PCED1B: variants seen among roughly 807,000 people sequenced by gnomAD.
The protein encoded by PCED1B is PC-esterase domain-containing protein 1B.
For missense variants in PCED1B, 573 were observed against 573.9 expected, an observed-to-expected ratio of 1.00 and a Z score of 0.02; for synonymous variants, 251 against 246.1, an observed-to-expected ratio of 1.02 and a Z score of -0.19.
intron 2 of PCED1B, among the ~76,000 whole-genome samples, chr12:47,190,255 T>G (rs949535373): frequency 1.3e-5 from 2 of 152,182 alleles, no homozygotes; most frequent in African/African-American, 4.8e-5. Context: ...ATGGTGCTGG[T>G]TGGTTCATAA....
chr12:47,086,533 A>G (rs1165321463), intron 1 of PCED1B, among the ~76,000 whole-genome samples: 3 of 152,186 alleles, frequency 2.0e-5, no homozygotes, highest in Non-Finnish European at 4.4e-5. Flanking sequence ...TAATTATATA[A>G]TGAGAGAAAC....
rs573704088 is a variant in PCED1B at position 47,204,126 on chromosome 12, G to A, written c.-525-12096G>A. Among the ~76,000 whole-genome samples the A allele has an allele frequency of 2.0e-5, 3 of 152,188 alleles. No individual in the cohort carries two copies. In the South Asian group the frequency reaches 6.2e-4, roughly 32 times the overall value. On this transcript the variant is annotated intron_variant, in intron 2 of 3. Coordinates refer to ENST00000546455, the MANE Select transcript of PCED1B (RefSeq NM_138371.3). ...TGCCTGGCTAATTTTTGTATTTTTA[G>A]TAGAGACAGGGTTTCATTCGCTATG... is the stretch of plus-strand genomic sequence containing the variant.
At chr12:47,087,565 G>T (rs1938048356) in intron 1 of PCED1B, among the ~76,000 whole-genome samples, 1 of 152,146 alleles carries the variant, frequency 6.6e-6, no homozygotes, top group South Asian at 2.1e-4. Context: ...AGTATTATTA[G>T]AAATAATTAT....
intron 3 of PCED1B, among the ~76,000 whole-genome samples, chr12:47,217,497 A>AAAGAAAGAAAGAAAGAAAG (rs1943322213): frequency 7.3e-6 from 1 of 137,106 alleles, no homozygotes. Context: ...AGAAAGAAAG[A>AAAGAAAGAAAGAAAGAAAG]AAGAAAGAAA....
chr12:47,095,142 G>C (rs1013552091), intron 1 of PCED1B, among the ~76,000 whole-genome samples: 3 of 134,518 alleles, frequency 2.2e-5, no homozygotes, highest in African/African-American at 8.4e-5. Flanking sequence ...TTTTCCTTCT[G>C]CCTGAAGAAC....
intron 2 of PCED1B, among the ~76,000 whole-genome samples, chr12:47,203,949 A>C (rs922485455): frequency 6.6e-6 from 1 of 152,186 alleles, no homozygotes; most frequent in African/African-American, 2.4e-5. Context: ...ACAGTGTAAA[A>C]GCATTCTTTT....
Position 47,127,425 on chromosome 12 carries a change from G to A in PCED1B, c.-526+23230G>A, listed in dbSNP as rs540992635. Among the ~76,000 whole-genome samples the A allele has an allele frequency of 2.4e-4, 35 of 146,736 alleles. No homozygotes were observed. The South Asian group carries it at 7.3e-3, about 30-fold the overall frequency. ...GCTTTGTAGCCCAGGCTGGAGTGCAGCAGTACGATCTTGGCTCAGTGCAAC... is the reference window on the plus strand; with the variant it reads ...GCTTTGTAGCCCAGGCTGGAGTGCAACAGTACGATCTTGGCTCAGTGCAAC... On this transcript the variant is annotated intron_variant, in intron 2 of 3. Coordinates refer to ENST00000546455, the MANE Select transcript of PCED1B (RefSeq NM_138371.3).
intron 2 of PCED1B, among the ~76,000 whole-genome samples, chr12:47,147,914 TA>T (rs1398542311): frequency 6.6e-6 from 1 of 152,210 alleles, no homozygotes; most frequent in African/African-American, 2.4e-5. Context: ...TTATTTGTTA[TA>T]ATAACAGCCC....
chr12:47,194,723 G>A lies in PCED1B; in HGVS notation c.-525-21499G>A, dbSNP rs566881837. On this transcript the variant is annotated intron_variant, in intron 2 of 3. Coordinates refer to ENST00000546455, the MANE Select transcript of PCED1B (RefSeq NM_138371.3). ...GCCAACAAGAAAGGTCATACCGGTC[G>A]GAGTTCCATGTGCTATTTAAAGAAC... Among the ~76,000 whole-genome samples, 8 of 152,248 alleles carry A rather than the reference G, an allele frequency of 5.3e-5. 1 individual carries two copies. Among genetic ancestry groups the A allele is most frequent in the African/African-American group, 1.7e-4 (7 of 41,542 alleles).
At chr12:47,102,508 A>C (rs1938753154) in intron 1 of PCED1B, among the ~76,000 whole-genome samples, 2 of 152,216 alleles carry the variant, frequency 1.3e-5, no homozygotes, top group South Asian at 4.1e-4. Flanking sequence ...CATCAGGAAG[A>C]GAGTCTAGAT....
At chr12:47,099,444 G>A (rs367679497) in intron 1 of PCED1B, among the ~76,000 whole-genome samples, 16 of 152,096 alleles carry the variant, frequency 1.1e-4, no homozygotes, top group East Asian at 5.8e-4. Context: ...AGCGGGGATC[G>A]TCTCCACTGT....
intron 2 of PCED1B, among the ~76,000 whole-genome samples, chr12:47,204,958 C>A (rs1003414917): frequency 7.2e-5 from 11 of 152,136 alleles, no homozygotes; most frequent in Admixed American, 3.3e-4. Context: ...AGTGTAACCA[C>A]CTAACAGGTT....
chr12:47,227,950 A>C (rs1178635884), intron 3 of PCED1B, among the ~76,000 whole-genome samples: 1 of 151,804 alleles, frequency 6.6e-6, no homozygotes, highest in East Asian at 1.9e-4. Context: ...ACTGGTTAGG[A>C]TATAGGACCT....
intron 2 of PCED1B, among the ~76,000 whole-genome samples, chr12:47,164,872 A>G (rs1941495228): frequency 6.6e-6 from 1 of 152,202 alleles, no homozygotes; most frequent in Non-Finnish European, 1.5e-5. Flanking sequence ...TGGCTAGTTG[A>G]GTCACAATGA....
intron 2 of PCED1B, among the ~76,000 whole-genome samples, chr12:47,133,996 G>C (rs1940239923): frequency 6.6e-6 from 1 of 152,258 alleles, no homozygotes; most frequent in East Asian, 1.9e-4. Flanking sequence ...CAACAATGCT[G>C]GCGTCTGATT....
intron 2 of PCED1B, among the ~76,000 whole-genome samples, chr12:47,179,594 T>C (rs916593921): frequency 6.6e-6 from 1 of 152,238 alleles, no homozygotes; most frequent in Non-Finnish European, 1.5e-5. Flanking sequence ...AGTTTCATTG[T>C]GACACAACTA....
chr12:47,209,691 A>T (rs574241887), intron 2 of PCED1B: 1 of 152,250 alleles, frequency 6.6e-6, no homozygotes, highest in East Asian at 1.9e-4. Context: ...TCAATTTGGG[A>T]TCTTCAGGCT....
chr12:47,228,565 G>A (rs1252515742), intron 3 of PCED1B, among the ~76,000 whole-genome samples: 1 of 151,930 alleles, frequency 6.6e-6, no homozygotes, highest in Admixed American at 6.6e-5. Context: ...TTATAAAATG[G>A]GAATAAGAGT....
At chr12:47,161,591 A>G (rs879347143) in intron 2 of PCED1B, among the ~76,000 whole-genome samples, 1 of 152,218 alleles carries the variant, frequency 6.6e-6, no homozygotes, top group Non-Finnish European at 1.5e-5. Flanking sequence ...TAGAATGGCA[A>G]TCACGAAAAA....
Sources: allele counts gnomAD v4.1 joint callset (sites outside exome capture counted in the v4.1 genomes callset), GRCh38; gene constraint gnomAD v4.1.1; transcripts MANE v1.5; gene names NCBI Gene and HGNC (gene_info 2026-07-23, HGNC 2026-07-21).